Variants in KIAA1586 observed in about 807,000 individuals in gnomAD.
KIAA1586 encodes the protein E3 SUMO-protein ligase KIAA1586.
KIAA1586 carries 5 observed loss-of-function variants against 6.1 expected under a neutral mutation model. That is an observed-to-expected ratio of 0.82 (90% CI 0.43 to 1.73). The LOEUF (loss-of-function observed/expected upper bound fraction) is 1.73, where lower values mean the gene tolerates loss of function less well. Among genes scored for constraint, KIAA1586 ranks in the 40% most tolerant of loss-of-function variants. KIAA1586 has a pLI of 0.02. For missense variants in KIAA1586, 899 were observed against 878.2 expected (o/e 1.02, Z -0.30); for synonymous variants, 280 against 301.7 (o/e 0.93, Z 0.75).
chr6:57,053,257 T>A lies in KIAA1586; in HGVS notation c.758T>A (p.Val253Asp), dbSNP rs886742758. 11 of 1,604,266 alleles carry A rather than the reference T, an allele frequency of 6.9e-6. No individual in the cohort carries two copies. In the East Asian group the frequency reaches 2.5e-4, roughly 36 times the overall value. The change falls in exon 4 of 4, where the codon GTT becomes GAT. Residue 253 changes from valine (V) to aspartate (D), a missense_variant. Physicochemically the swap from Val to Asp is radical, Grantham distance 152. Coordinates refer to ENST00000370733, the MANE Select transcript of KIAA1586 (RefSeq NM_020931.4). ...GCTACTGTAAAAGTTTTCAATACTG[T>A]TTACAGTTTAGTAAAACATAACAGA... ...IDATVKVFNT[V>D]YSLVKHNRPL...
rs200733855 is a variant in KIAA1586, at chr6:57,052,867, C to T, written c.368C>T (p.Ser123Leu). 5.6e-6 allele frequency: 9 copies of T among 1,612,778 alleles called. No individual in the cohort carries two copies. The African/African-American group carries it at 1.1e-4, about 19-fold the overall frequency. ...ATCATTGAAGAAAAGCCATCACTTTCATCAAAGAAAGAAATAGATAATCTT... is the reference window on the plus strand; with the variant it reads ...ATCATTGAAGAAAAGCCATCACTTTTATCAAAGAAAGAAATAGATAATCTT... ...QPIIEEKPSL[S>L]SKKEIDNLVL... The change falls in exon 4 of 4, where the codon TCA becomes TTA. Residue 123 changes from serine to leucine, a missense_variant. Physicochemically the swap from Ser to Leu is moderately radical, Grantham distance 145. Coordinates refer to ENST00000370733, the MANE Select transcript of KIAA1586 (RefSeq NM_020931.4).
intron 3 of KIAA1586, 105 bp downstream of exon 3, chr6:57,050,959 G>C: frequency 1.2e-6 from 1 of 825,588 alleles, no homozygotes; most frequent in South Asian, 1.5e-5. Context: ...GCCAGGCACG[G>C]TGGCTCTCGC....
At chr6:57,055,518 T>C (rs1828485083), downstream of KIAA1586, among the ~76,000 whole-genome samples, 1 of 152,114 alleles carries the variant, frequency 6.6e-6, no homozygotes. Context: ...GATATGATAC[T>C]GCTGTCAGCA....
the KIAA1586 span, among the ~76,000 whole-genome samples, chr6:57,065,669 T>C: frequency 4.6e-5 from 7 of 152,142 alleles, no homozygotes; most frequent in African/African-American, 1.7e-4. Context: ...TATTTTTTGC[T>C]AGAGACGGAG....
Position 57,053,649 on chromosome 6 carries a change from T to A in KIAA1586, c.1150T>A (p.Leu384Ile), listed in dbSNP as rs1203367260. ...GFTNEYLKANLIAFCSDGANT... is the reference protein window; with the variant it reads ...GFTNEYLKANIIAFCSDGANT... ...TACAAATGAATATTTGAAAGCAAATTTAATTGCATTTTGTTCTGATGGTGC... is the reference window on the plus strand; with the variant it reads ...TACAAATGAATATTTGAAAGCAAATATAATTGCATTTTGTTCTGATGGTGC... Residue 384 changes from leucine to isoleucine, a missense_variant, in exon 4 of 4, where the codon TTA becomes ATA. Transcript: ENST00000370733. The A allele has an allele frequency of 2.8e-5, 45 of 1,611,622 alleles. No individual in the cohort carries two copies. The highest frequency in any genetic ancestry group is 3.7e-5 in the Non-Finnish European group (44 of 1,178,290).
At chr6:57,063,333 G>A in the KIAA1586 span, among the ~76,000 whole-genome samples, 6 of 149,866 alleles carry the variant, frequency 4.0e-5, no homozygotes, top group African/African-American at 1.5e-4. Flanking sequence ...GGAGGGGTTT[G>A]TTTTACTTTG....
At chr6:57,063,450 C>CT in the KIAA1586 span, among the ~76,000 whole-genome samples, 83,127 of 102,678 alleles carry the variant, frequency 0.81, 34,574 homozygotes, top group Middle Eastern at 0.91. Flanking sequence ...TATGTTATTT[C>CT]TTTTTTTTTT....
At chr6:57,056,051 T>TC (rs1400627329), downstream of KIAA1586, among the ~76,000 whole-genome samples, 1 of 152,070 alleles carries the variant, frequency 6.6e-6, no homozygotes, top group East Asian at 1.9e-4. Context: ...TAGCTGAGAT[T>TC]CTTTTTTTTT....
downstream of KIAA1586, among the ~76,000 whole-genome samples, chr6:57,056,667 G>A (rs1736020000): frequency 6.6e-6 from 1 of 151,500 alleles, no homozygotes; most frequent in South Asian, 2.1e-4. Flanking sequence ...CCCCTAAGTA[G>A]CTGGGAATAC....
Position 57,054,546 on chromosome 6 carries a change from AAT to A in KIAA1586, c.2048_2049del (p.Asn683SerfsTer11). 1 of 1,602,144 alleles carries A rather than the reference AAT, an allele frequency of 6.2e-7. No homozygotes were observed. The highest frequency in any genetic ancestry group is 8.5e-7 in the Non-Finnish European group (1 of 1,173,888). ...EFVNNNIKSN[N>X]VSIPTTIYKA... ...TGTAAATAATAATATAAAATCAAAC[AAT>A]GTTTCAATTCCTACAACTATATACA... On this transcript the variant is annotated frameshift_variant, in exon 4 of 4. Transcript: ENST00000370733. LOFTEE classifies it low-confidence loss of function (END_TRUNC).
rs773622487 is a variant in KIAA1586 at position 57,053,656 on chromosome 6, C to T, written c.1157C>T (p.Ala386Val). The change falls in exon 4 of 4, where the codon GCA becomes GTA. Residue 386 changes from alanine (A) to valine (V), a missense_variant. Transcript: ENST00000370733. ...GAATATTTGAAAGCAAATTTAATTG[C>T]ATTTTGTTCTGATGGTGCTAATACA... ...TNEYLKANLI[A>V]FCSDGANTIL... 6.2e-6 allele frequency: 10 copies of T among 1,611,496 alleles called. No individual in the cohort carries two copies. Among genetic ancestry groups the T allele is most frequent in the Admixed American group, 1.7e-5 (1 of 59,802 alleles).
chr6:57,063,405 T>A, the KIAA1586 span, among the ~76,000 whole-genome samples: 2 of 151,626 alleles, frequency 1.3e-5, no homozygotes, highest in African/African-American at 4.8e-5. Flanking sequence ...TAAAATAATT[T>A]AACTTTTTTC....
Position 57,053,691 on chromosome 6 carries a change from A to T in KIAA1586, c.1192A>T (p.Arg398Ter). ...TGATGGTGCTAATACAATCCTGGGAAGAAAGTCTGGAGTAGCTACAAAATT... is the reference window on the plus strand; with the variant it reads ...TGATGGTGCTAATACAATCCTGGGATGAAAGTCTGGAGTAGCTACAAAATT... ...CSDGANTILG[R>*]KSGVATKLLE... Residue 398 changes from arginine (R) to a stop codon, truncating the protein, a stop_gained, in exon 4 of 4, where the codon AGA becomes TGA. Coordinates refer to ENST00000370733, the MANE Select transcript of KIAA1586 (RefSeq NM_020931.4). LOFTEE classifies it low-confidence loss of function (END_TRUNC). The T allele has an allele frequency of 6.2e-7, 1 of 1,611,686 alleles. No individual in the cohort carries two copies. Among genetic ancestry groups the T allele is most frequent in the Non-Finnish European group, 8.5e-7 (1 of 1,178,134 alleles).
intron 3 of KIAA1586, among the ~76,000 whole-genome samples, chr6:57,051,931 G>A (rs1466340503): frequency 2.0e-5 from 3 of 152,052 alleles, no homozygotes; most frequent in Admixed American, 6.6e-5. Context: ...CTGAGATCGC[G>A]CCACTGCACT....
chr6:57,066,134 C>T, the KIAA1586 span, among the ~76,000 whole-genome samples: 1 of 150,606 alleles, frequency 6.6e-6, no homozygotes, highest in African/African-American at 2.4e-5. Flanking sequence ...AAAAAAATAG[C>T]CAGGCATGGT....
Position 57,054,929 on chromosome 6 carries a change from C to CTTT in KIAA1586, c.*76_*78dup. On this transcript the variant is annotated 3_prime_UTR_variant, in exon 4 of 4. Transcript: ENST00000370733. Reference sequence around the variant, plus strand: ...ACACATCCTTTATATACATAAAGGTCTTTTTTTTTTTTGGAAAGCCAGTTA... The same window carrying CTTT: ...ACACATCCTTTATATACATAAAGGTCTTTTTTTTTTTTTTTGGAAAGCCAGTTA... The CTTT allele has an allele frequency of 3.8e-6, 4 of 1,059,864 alleles. No homozygotes were observed. The highest frequency in any genetic ancestry group is 2.5e-5 in the South Asian group (1 of 39,296). The allele number at this position is 1,059,864 out of a possible 1,614,324, so 65.7% of individuals were successfully genotyped here.
At chr6:57,050,936 G>T in intron 3 of KIAA1586, 82 bp downstream of exon 3, 3 of 1,049,318 alleles carry the variant, frequency 2.9e-6, no homozygotes, top group Non-Finnish European at 4.4e-6. Context: ...TGGATCATAA[G>T]AACTAATTGT....
At chr6:57,048,210 A>G (rs111758227) in intron 2 of KIAA1586, among the ~76,000 whole-genome samples, 3,098 of 151,822 alleles carry the variant, frequency 0.02, 101 homozygotes, top group African/African-American at 0.068. Flanking sequence ...GGCAGAAAAC[A>G]GTTCTGTCCC....
At chr6:57,064,473 A>C in the KIAA1586 span, among the ~76,000 whole-genome samples, 1 of 152,224 alleles carries the variant, frequency 6.6e-6, no homozygotes, top group Non-Finnish European at 1.5e-5. Context: ...ATGTATGGTC[A>C]GCATTTTCAT....
Sources: allele counts gnomAD v4.1 joint callset (sites outside exome capture counted in the v4.1 genomes callset), GRCh38; gene constraint gnomAD v4.1.1; transcripts MANE v1.5; gene names NCBI Gene and HGNC (gene_info 2026-07-23, HGNC 2026-07-21).